Variants in DCC observed in about 807,000 individuals in gnomAD.
The protein encoded by DCC is DCC netrin 1 receptor, also known as netrin receptor DCC.
Under a neutral mutation model 172.5 loss-of-function variants are expected in DCC, and 58 were observed. The observed-to-expected ratio is 0.34, with a 90% CI of 0.27 to 0.42. The LOEUF is 0.42. Ranked by LOEUF, DCC falls within the 10% of genes least tolerant of loss-of-function variation. DCC has a pLI of 1.00. For synonymous variants in DCC, 709 were observed against 644.5 expected (o/e 1.10, Z -1.52); for missense variants, 1,740 against 1,791.0 (o/e 0.97, Z 0.51).
chr18:53,456,287 A>G, intron 23 of DCC, among the ~76,000 whole-genome samples: 1 of 152,186 alleles, frequency 6.6e-6, no homozygotes, highest in East Asian at 1.9e-4. Flanking sequence ...AAAATAGAGC[A>G]CCAGCACCTG....
At chr18:53,253,482 T>C (rs565250783) in intron 12 of DCC, among the ~76,000 whole-genome samples, 1 of 152,176 alleles carries the variant, frequency 6.6e-6, no homozygotes, top group Non-Finnish European at 1.5e-5. Flanking sequence ...ATTCTGAATG[T>C]CCTCTTAGGT....
chr18:52,807,417 T>TTAA (rs1180040818), intron 2 of DCC, among the ~76,000 whole-genome samples: 1 of 152,208 alleles, frequency 6.6e-6, no homozygotes. Context: ...CCCTGTGATA[T>TTAA]TAATACACTC....
intron 5 of DCC, among the ~76,000 whole-genome samples, chr18:53,024,053 G>C (rs1429734397): frequency 1.3e-5 from 2 of 152,154 alleles, no homozygotes; most frequent in Non-Finnish European, 2.9e-5. Context: ...TCTATAACTT[G>C]AGTGTGGAGA....
At chr18:52,395,078 A>T (rs1243417788) in intron 1 of DCC, among the ~76,000 whole-genome samples, 1 of 152,096 alleles carries the variant, frequency 6.6e-6, no homozygotes, top group Non-Finnish European at 1.5e-5. Context: ...AGCCAAAGCT[A>T]CTGATGAAGT....
rs1453328924 is a variant in DCC at position 53,437,008 on chromosome 18, C to T, written c.3229+1799C>T. Among the ~76,000 whole-genome samples, 7 of 151,124 alleles carry T rather than the reference C, an allele frequency of 4.6e-5. 1 individual carries two copies. In the East Asian group the frequency reaches 9.7e-4, roughly 21 times the overall value. Reference sequence around the variant, plus strand: ...ATCCCGTTTATGAGGCCACCACTCTCATGACCTAATTATCTCCCAAAGCCT... The same window carrying T: ...ATCCCGTTTATGAGGCCACCACTCTTATGACCTAATTATCTCCCAAAGCCT... On this transcript the variant is annotated intron_variant, in intron 22 of 28. Transcript: ENST00000442544.
At chr18:52,821,332 C>T (rs1008492331) in intron 2 of DCC, among the ~76,000 whole-genome samples, 3 of 152,112 alleles carry the variant, frequency 2.0e-5, no homozygotes, top group Non-Finnish European at 4.4e-5. Context: ...TCCTCTCTTC[C>T]CCTCCTTCAT....
At chr18:52,600,500 G>A (rs933091972) in intron 1 of DCC, among the ~76,000 whole-genome samples, 3 of 151,482 alleles carry the variant, frequency 2.0e-5, no homozygotes, top group Admixed American at 1.3e-4. Flanking sequence ...TTGTTTTTGT[G>A]GTATGCATAC....
chr18:53,056,516 T>C (rs1042889589), intron 5 of DCC, among the ~76,000 whole-genome samples: 1 of 152,188 alleles, frequency 6.6e-6, no homozygotes, highest in African/African-American at 2.4e-5. Flanking sequence ...ATTATCTGTT[T>C]ATACTATTTT....
chr18:52,913,319 C>T (rs1406189715), intron 3 of DCC, among the ~76,000 whole-genome samples: 1 of 152,052 alleles, frequency 6.6e-6, no homozygotes, highest in Non-Finnish European at 1.5e-5. Flanking sequence ...GATACATAGA[C>T]CATTTCTGTT....
rs1202100501 is a variant in DCC at position 52,591,667 on chromosome 18, C to T, written c.92-160387C>T. ...GGATGATCACAGCTCACTGCAACCT[C>T]GATCTCCTGGGCTCCAGCGATCCTC... On this transcript the variant is annotated intron_variant, in intron 1 of 28. Transcript: ENST00000442544. 3.3e-5 allele frequency among the ~76,000 whole-genome samples: 5 copies of T among 152,052 alleles called. 1 individual carries two copies. Among genetic ancestry groups the T allele is most frequent in the South Asian group, 4.1e-4 (2 of 4,828 alleles).
intron 1 of DCC, among the ~76,000 whole-genome samples, chr18:52,422,490 C>A (rs1987282262): frequency 6.6e-6 from 1 of 152,266 alleles, no homozygotes; most frequent in African/African-American, 2.4e-5. Flanking sequence ...ACTTCATCTG[C>A]AAGATCATAG....
intron 1 of DCC, among the ~76,000 whole-genome samples, chr18:52,623,977 C>A (rs1056870419): frequency 6.6e-5 from 10 of 152,188 alleles, no homozygotes; most frequent in Admixed American, 1.3e-4. Context: ...TCTTTTGAAT[C>A]CGCTTCTTTC....
intron 12 of DCC, among the ~76,000 whole-genome samples, chr18:53,218,758 T>C (rs757652614): frequency 7.2e-5 from 11 of 152,144 alleles, no homozygotes; most frequent in Non-Finnish European, 1.5e-4. Context: ...TACGTTTTAT[T>C]AGGAAAACTT....
chr18:53,159,615 C>T (rs749854777), intron 8 of DCC, among the ~76,000 whole-genome samples: 1 of 152,162 alleles, frequency 6.6e-6, no homozygotes, highest in Non-Finnish European at 1.5e-5. Flanking sequence ...CATGGAACTT[C>T]AGACTTCTTT....
chr18:52,580,588 A>G (rs968967594), intron 1 of DCC, among the ~76,000 whole-genome samples: 4 of 152,138 alleles, frequency 2.6e-5, no homozygotes, highest in Non-Finnish European at 5.9e-5. Flanking sequence ...TTTTTTGCTT[A>G]GGAAAGTTAT....
At chr18:52,684,245 C>G (rs947615704) in intron 1 of DCC, among the ~76,000 whole-genome samples, 1 of 152,064 alleles carries the variant, frequency 6.6e-6, no homozygotes, top group Non-Finnish European at 1.5e-5. Context: ...CAAATGAAAT[C>G]AAACACATGC....
rs1187550199 is a variant in DCC, at chr18:52,992,981, AT to A, written c.985+67614del. 7.2e-5 allele frequency among the ~76,000 whole-genome samples: 10 copies of A among 139,650 alleles called. No homozygotes were observed. In the East Asian group the frequency reaches 7.9e-4, roughly 11 times the overall value. The allele number at this position is 139,650 out of a possible 152,430, so 91.6% of individuals were successfully genotyped here. On this transcript the variant is annotated intron_variant, in intron 5 of 28. Transcript: ENST00000442544. ...GTGACACAGTGAGACTCTGTCTCAA[AT>A]TTAAAAAAAAAAAAAAAAACACATG...
chr18:52,605,183 A>C (rs2034107054), intron 1 of DCC, among the ~76,000 whole-genome samples: 2 of 152,150 alleles, frequency 1.3e-5, no homozygotes, highest in Admixed American at 6.6e-5. Context: ...ATAAATGTGA[A>C]GATGCGGGTG....
chr18:53,090,143 T>A (rs1246100047), intron 7 of DCC, among the ~76,000 whole-genome samples: 1 of 152,234 alleles, frequency 6.6e-6, no homozygotes, highest in African/African-American at 2.4e-5. Context: ...ATCCCTAACT[T>A]ACTTGCATTG....
Sources: allele counts gnomAD v4.1 joint callset (sites outside exome capture counted in the v4.1 genomes callset), GRCh38; gene constraint gnomAD v4.1.1; transcripts MANE v1.5; gene names NCBI Gene and HGNC (gene_info 2026-07-23, HGNC 2026-07-21).